Variants in DNAH6 observed in about 807,000 individuals in gnomAD.
DNAH6 encodes the protein dynein axonemal heavy chain 6, also known as axonemal beta dynein heavy chain 6.
A neutral mutation model predicts 491.4 loss-of-function variants in DNAH6; 340 were observed. The ratio of observed to expected loss-of-function variants is 0.69; its 90% confidence interval spans 0.63 to 0.76. DNAH6 has a LOEUF of 0.76. DNAH6 is among the 30% of genes least tolerant of loss of function. DNAH6 has a pLI of 0.00. For synonymous variants in DNAH6, 1,603 were observed against 1,686.1 expected (o/e 0.95, Z 1.21); for missense variants, 4,443 against 4,972.2 (o/e 0.89, Z 3.20).
chr2:84,640,597 C>A lies in DNAH6; in HGVS notation c.4970+19C>A. On this transcript the variant is annotated intron_variant, in intron 32 of 76. Transcript: ENST00000389394. ...TGGCTGGGTAAGAAACCAAAGTAGT[C>A]AAGAGTGAAATCCCAAACCATGTGA... 1 of 1,538,128 alleles carries A rather than the reference C, an allele frequency of 6.5e-7. No homozygotes were observed. Among genetic ancestry groups the A allele is most frequent in the South Asian group, 1.2e-5 (1 of 81,142 alleles).
the DNAH6 span, among the ~76,000 whole-genome samples, chr2:84,479,841 C>T: frequency 6.6e-6 from 1 of 152,230 alleles, no homozygotes; most frequent in Non-Finnish European, 1.5e-5. Context: ...AAAATCAAAC[C>T]CAAAGCTACC....
chr2:84,570,760 T>G (rs984357430), intron 11 of DNAH6, among the ~76,000 whole-genome samples: 2 of 152,162 alleles, frequency 1.3e-5, no homozygotes, highest in African/African-American at 4.8e-5. Context: ...CCCGAGCCAG[T>G]AGCTGCAACC....
rs748103376 is a variant in DNAH6, at chr2:84,606,978, C to T, written c.3177C>T (p.Val1059=). The T allele has an allele frequency of 3.9e-6, 6 of 1,550,038 alleles. No homozygotes were observed. The South Asian group carries it at 6.0e-5, about 15-fold the overall frequency. The stretch of plus-strand genomic sequence containing the variant: ...ATTTTCTTCCCCTTCCTTTAAAGGT[C>T]CTTCTTGATGATAGCACCATCAATG... ...FILGGTDDIQ[V]LLDDSTINVA... is the part of the protein sequence containing the mutation. The change falls in exon 21 of 77, where the codon GTC becomes GTT. Residue 1059 remains valine, a splice_region_variant and synonymous_variant. Coordinates refer to ENST00000389394, the MANE Select transcript of DNAH6 (RefSeq NM_001370.2).
At chr2:84,610,816 C>T (rs1441606903) in intron 21 of DNAH6, among the ~76,000 whole-genome samples, 2 of 152,174 alleles carry the variant, frequency 1.3e-5, no homozygotes, top group Non-Finnish European at 2.9e-5. Context: ...TCCTGTCCAG[C>T]CTTCTGGACT....
At chr2:84,613,594 C>G (rs1686542880) in intron 22 of DNAH6, among the ~76,000 whole-genome samples, 1 of 152,012 alleles carries the variant, frequency 6.6e-6, no homozygotes, top group South Asian at 2.1e-4. Context: ...GAAATAGTAT[C>G]CCATCACCAC....
the DNAH6 span, among the ~76,000 whole-genome samples, chr2:84,471,379 C>T: frequency 5.9e-5 from 9 of 151,934 alleles, no homozygotes; most frequent in East Asian, 3.9e-4. Context: ...TTGAATGTTT[C>T]GCACATATCT....
intron 47 of DNAH6, among the ~76,000 whole-genome samples, chr2:84,698,262 T>G (rs1444442266): frequency 6.6e-6 from 1 of 152,204 alleles, no homozygotes; most frequent in African/African-American, 2.4e-5. Context: ...GGCTGTTCTT[T>G]CTTATATCTT....
chr2:84,470,596 T>C, the DNAH6 span, among the ~76,000 whole-genome samples: 1 of 152,154 alleles, frequency 6.6e-6, no homozygotes. Flanking sequence ...CAGCTGGTTT[T>C]GGTATGTTTG....
chr2:84,664,799 T>C (rs560731252), intron 37 of DNAH6, among the ~76,000 whole-genome samples: 1 of 152,366 alleles, frequency 6.6e-6, no homozygotes, highest in Non-Finnish European at 1.5e-5. Flanking sequence ...ATATACATTC[T>C]TCTCAGCACC....
At chr2:84,552,247 G>A (rs1235186455) in intron 9 of DNAH6, among the ~76,000 whole-genome samples, 1 of 152,052 alleles carries the variant, frequency 6.6e-6, no homozygotes, top group African/African-American at 2.4e-5. Context: ...GTTGAATTCT[G>A]GTCTGCCGCC....
chr2:84,501,124 T>C, the DNAH6 span, among the ~76,000 whole-genome samples: 1 of 152,230 alleles, frequency 6.6e-6, no homozygotes, highest in African/African-American at 2.4e-5. Flanking sequence ...GGAAAGGCTT[T>C]TGATTTTTTC....
At chr2:84,749,621 T>G (rs1332178201) in intron 63 of DNAH6, among the ~76,000 whole-genome samples, 1 of 152,156 alleles carries the variant, frequency 6.6e-6, no homozygotes, top group Non-Finnish European at 1.5e-5. Flanking sequence ...AGATGGTGCC[T>G]GGGATGCAGT....
intron 46 of DNAH6, among the ~76,000 whole-genome samples, chr2:84,695,029 A>T (rs1695239951): frequency 6.6e-6 from 1 of 152,200 alleles, no homozygotes; most frequent in Non-Finnish European, 1.5e-5. Flanking sequence ...TAAAAAAGTG[A>T]TAGATTTGAT....
At chr2:84,743,379 T>C (rs1035796314) in intron 62 of DNAH6, among the ~76,000 whole-genome samples, 2 of 152,212 alleles carry the variant, frequency 1.3e-5, no homozygotes, top group Admixed American at 1.3e-4. Context: ...GTTTGATAGG[T>C]GGCTGGTATT....
At chr2:84,737,533 G>A (rs1699618067) in intron 62 of DNAH6, among the ~76,000 whole-genome samples, 1 of 151,506 alleles carries the variant, frequency 6.6e-6, no homozygotes. Flanking sequence ...CAGGATTTTT[G>A]TTTTTTTCGG....
At chr2:84,523,431 A>G (rs144185854) in intron 2 of DNAH6, among the ~76,000 whole-genome samples, 3 of 150,312 alleles carry the variant, frequency 2.0e-5, no homozygotes, top group African/African-American at 4.9e-5. Flanking sequence ...GATCTTTTCC[A>G]TTTTTTTTAT....
chr2:84,703,086 C>T (rs1235976760), intron 49 of DNAH6, among the ~76,000 whole-genome samples: 1 of 152,238 alleles, frequency 6.6e-6, no homozygotes, highest in Non-Finnish European at 1.5e-5. Flanking sequence ...ACTCATTCAA[C>T]ATGCTACCAC....
rs1489133538 is a variant in DNAH6, at chr2:84,781,508, A to G, written c.10719A>G (p.Ser3573=). Residue 3573 remains serine, a synonymous_variant, in exon 65 of 77, where the codon TCA becomes TCG. Coordinates refer to ENST00000389394, the MANE Select transcript of DNAH6 (RefSeq NM_001370.2). The part of the protein sequence containing the change: ...SGYSERVQSI[S]LGQGQGPIAE... ...TTCAATTCAGGGTGCAGTCAATTTCACTGGGGCAAGGACAAGGACCTATTG... is the reference window on the plus strand; with the variant it reads ...TTCAATTCAGGGTGCAGTCAATTTCGCTGGGGCAAGGACAAGGACCTATTG... 6.5e-7 allele frequency: 1 copy of G among 1,549,982 alleles called. No homozygotes were observed.
chr2:84,481,391 A>G, the DNAH6 span, among the ~76,000 whole-genome samples: 18 of 152,234 alleles, frequency 1.2e-4, no homozygotes, highest in East Asian at 2.5e-3. Flanking sequence ...AAGAAACAAG[A>G]TGTACTTTGA....
Sources: gnomAD v4.1 joint callset for allele counts (sites outside exome capture counted in the v4.1 genomes callset) on GRCh38, gnomAD v4.1.1 for gene constraint, MANE v1.5 for transcripts, NCBI Gene and HGNC (gene_info 2026-07-23, HGNC 2026-07-21) for gene names.